TEAD1: variants seen among roughly 807,000 people sequenced by gnomAD.
TEAD1 encodes the protein TEA domain transcription factor 1.
In TEAD1, 9 loss-of-function variants were observed where a neutral mutation model predicts 54.9. That is an observed-to-expected ratio of 0.16 (90% CI 0.10 to 0.29). TEAD1 has a LOEUF of 0.29. Among genes scored for constraint, TEAD1 ranks in the 10% least tolerant of loss-of-function variants. TEAD1 has a pLI of 1.00. For synonymous variants in TEAD1, 200 were observed against 187.8 expected (o/e 1.07, Z -0.53); for missense variants, 387 against 535.9 (o/e 0.72, Z 2.74).
In TEAD1 at chr11:12,898,398, CT is replaced by C. The variant is rs71313453; in HGVS notation, c.700-3528del. 1.9e-3 allele frequency among the ~76,000 whole-genome samples: 273 copies of C among 144,336 alleles called. 1 individual carries two copies. Among genetic ancestry groups the C allele is most frequent in the Middle Eastern group, 3.5e-3 (1 of 284 alleles). 94.7% of individuals were successfully genotyped at this position (144,336 alleles called of 152,430 possible). A position where few individuals can be genotyped will look rare whatever the true frequency, so the allele number is the denominator to read the frequency against. On this transcript the variant is annotated intron_variant, in intron 9 of 12. Coordinates refer to ENST00000527636, the MANE Select transcript of TEAD1 (RefSeq NM_021961.6). ...AGCTATAATTTATTGAACATGAACACTTTTTTTTTTTTTTGAGACGGAGTAT... is the reference window on the plus strand; with the variant it reads ...AGCTATAATTTATTGAACATGAACACTTTTTTTTTTTTTGAGACGGAGTAT...
chr11:12,936,914 T>G (rs528791267), intron 12 of TEAD1, among the ~76,000 whole-genome samples, 195 bp from the exon 13 acceptor site: 5 of 152,212 alleles, frequency 3.3e-5, no homozygotes, highest in African/African-American at 1.2e-4. Context: ...TTCTTACTTA[T>G]GATAACCACG....
At chr11:12,827,716 C>T (rs1336745913) in intron 3 of TEAD1, among the ~76,000 whole-genome samples, 1 of 152,174 alleles carries the variant, frequency 6.6e-6, no homozygotes, top group Non-Finnish European at 1.5e-5. Flanking sequence ...ATCCTGCTCT[C>T]CTATTATCAC....
intron 2 of TEAD1, among the ~76,000 whole-genome samples, chr11:12,701,016 A>C (rs773078212): frequency 6.6e-6 from 1 of 152,176 alleles, no homozygotes; most frequent in African/African-American, 2.4e-5. Flanking sequence ...TAGAGTTTAG[A>C]TTTTGAGCAA....
chr11:12,743,458 T>C (rs1317420045), intron 2 of TEAD1, among the ~76,000 whole-genome samples: 1 of 152,224 alleles, frequency 6.6e-6, no homozygotes, highest in Non-Finnish European at 1.5e-5. Flanking sequence ...AGATAGCTTT[T>C]ATCCTTGGGG....
intron 9 of TEAD1, among the ~76,000 whole-genome samples, chr11:12,889,757 C>T (rs1015151360): frequency 3.3e-5 from 5 of 152,044 alleles, no homozygotes; most frequent in Non-Finnish European, 7.4e-5. Context: ...GGTCTCACTG[C>T]ATTGCCCAGG....
chr11:12,893,678 G>A (rs1176133067), intron 9 of TEAD1, among the ~76,000 whole-genome samples: 1 of 152,038 alleles, frequency 6.6e-6, no homozygotes, highest in Non-Finnish European at 1.5e-5. Flanking sequence ...CTGTAGAGAT[G>A]GTGCTGGGAG....
chr11:12,890,305 C>T (rs1948172673), intron 9 of TEAD1, among the ~76,000 whole-genome samples: 1 of 152,186 alleles, frequency 6.6e-6, no homozygotes, highest in African/African-American at 2.4e-5. Flanking sequence ...AAGGCCAGAC[C>T]TCTGAGGGCC....
chr11:12,821,442 G>A (rs1038602126), intron 3 of TEAD1, among the ~76,000 whole-genome samples: 1 of 152,160 alleles, frequency 6.6e-6, no homozygotes, highest in African/African-American at 2.4e-5. Context: ...AGCACTGTGG[G>A]GGAATATTTT....
intron 3 of TEAD1, among the ~76,000 whole-genome samples, chr11:12,849,826 T>C (rs1402161838): frequency 6.6e-6 from 1 of 152,224 alleles, no homozygotes; most frequent in Non-Finnish European, 1.5e-5. Context: ...CAGTGGAGAA[T>C]CTATTTCAAA....
chr11:12,686,201 C>T (rs562629000), intron 2 of TEAD1, among the ~76,000 whole-genome samples: 1 of 152,240 alleles, frequency 6.6e-6, no homozygotes, highest in Admixed American at 6.5e-5. Flanking sequence ...GCCTATGGTA[C>T]TAATAGGAAA....
chr11:12,904,294 C>T (rs1026809071), intron 10 of TEAD1, among the ~76,000 whole-genome samples: 4 of 152,054 alleles, frequency 2.6e-5, no homozygotes, highest in African/African-American at 7.2e-5. Flanking sequence ...AAACAAATGA[C>T]ATTATTTGTT....
At chr11:12,913,904 T>G (rs1866709) in intron 10 of TEAD1, among the ~76,000 whole-genome samples, 1 of 152,006 alleles carries the variant, frequency 6.6e-6, no homozygotes, top group Non-Finnish European at 1.5e-5. Context: ...AGGTCCTGTT[T>G]CCTGGGAAAG....
intron 3 of TEAD1, among the ~76,000 whole-genome samples, chr11:12,778,624 T>A (rs1210221426): frequency 6.6e-6 from 1 of 151,638 alleles, no homozygotes; most frequent in Non-Finnish European, 1.5e-5. Flanking sequence ...GGGCCAGTGC[T>A]GCTCAGCCTC....
chr11:12,726,664 G>A (rs1291686797), intron 2 of TEAD1, among the ~76,000 whole-genome samples: 4 of 152,030 alleles, frequency 2.6e-5, no homozygotes, highest in African/African-American at 9.7e-5. Context: ...AGCCCAGCAG[G>A]GGCAACATGG....
chr11:12,802,569 G>T (rs1462925933), intron 3 of TEAD1, among the ~76,000 whole-genome samples: 1 of 152,118 alleles, frequency 6.6e-6, no homozygotes, highest in Non-Finnish European at 1.5e-5. Flanking sequence ...GTGGTGGAGG[G>T]GCCTTGCTTC....
intron 2 of TEAD1, among the ~76,000 whole-genome samples, chr11:12,740,439 A>ATTATATCCT: frequency 6.6e-6 from 1 of 152,344 alleles, no homozygotes; most frequent in Middle Eastern, 3.4e-3. Flanking sequence ...TGTATGTGAA[A>ATTATATCCT]ATTGTCACTA....
At chr11:12,700,947 G>A (rs1590064674) in intron 2 of TEAD1, among the ~76,000 whole-genome samples, 1 of 152,264 alleles carries the variant, frequency 6.6e-6, no homozygotes, top group East Asian at 1.9e-4. Context: ...GTCGGTGAGA[G>A]AGATTATTTT....
intron 11 of TEAD1, among the ~76,000 whole-genome samples, chr11:12,929,204 G>GT (rs746048067): frequency 0.12 from 16,364 of 138,960 alleles, 1,094 homozygotes; most frequent in African/African-American, 0.16. Context: ...GTGTGTGTCT[G>GT]CTTTAGGGTT....
At chr11:12,729,894 A>G (rs903902794) in intron 2 of TEAD1, among the ~76,000 whole-genome samples, 4 of 152,172 alleles carry the variant, frequency 2.6e-5, no homozygotes, top group African/African-American at 9.7e-5. Context: ...GCCCAGGTGA[A>G]TAATGCCTGC....
Sources: allele counts gnomAD v4.1 joint callset (sites outside exome capture counted in the v4.1 genomes callset), GRCh38; gene constraint gnomAD v4.1.1; transcripts MANE v1.5; gene names NCBI Gene and HGNC (gene_info 2026-07-23, HGNC 2026-07-21).